The following CTC1 variants were observed in gnomAD, a reference collection of about 807,000 sequenced individuals.
CTC1 encodes the protein CST complex subunit CTC1.
In CTC1, 91 loss-of-function variants were observed where a neutral mutation model predicts 136.3. That is an observed-to-expected ratio of 0.67 (90% CI 0.56 to 0.79). The LOEUF (loss-of-function observed/expected upper bound fraction) is 0.79, where lower values mean the gene tolerates loss of function less well. CTC1 is among the 30% of genes least tolerant of loss of function. The pLI is 0.00. For missense variants in CTC1, 1,432 were observed against 1,498.1 expected, an observed-to-expected ratio of 0.96 and a Z score of 0.73; for synonymous variants, 606 against 613.8, an observed-to-expected ratio of 0.99 and a Z score of 0.19.
intron 2 of CTC1, among the ~76,000 whole-genome samples, chr17:8,241,042 A>T (rs1015311570): frequency 6.6e-6 from 1 of 151,866 alleles, no homozygotes; most frequent in Non-Finnish European, 1.5e-5. Flanking sequence ...TAATCCCAGC[A>T]CTCTGGGAGG....
At chr17:8,244,773 C>T (rs1269060651) in intron 1 of CTC1, among the ~76,000 whole-genome samples, 1 of 152,080 alleles carries the variant, frequency 6.6e-6, no homozygotes, top group Non-Finnish European at 1.5e-5. Context: ...GTGATCCGCC[C>T]GCCTCAGCCT....
In CTC1 at chr17:8,236,218, C is replaced by G; in HGVS notation, c.917G>C (p.Arg306Pro). 6.2e-7 allele frequency: 1 copy of G among 1,614,208 alleles called. No individual in the cohort carries two copies. The highest frequency in any genetic ancestry group is 8.5e-7 in the Non-Finnish European group (1 of 1,180,038). Reference sequence around the variant, plus strand: ...ACATTCTGGTTTCAGCAGCAACAGACGGGAGGACTGACTGGTCATCCAAAC... The same window carrying G: ...ACATTCTGGTTTCAGCAGCAACAGAGGGGAGGACTGACTGGTCATCCAAAC... ...QHVWMTSQSS[R>P]LLLLKPECVQ... The change falls in exon 6 of 23, where the codon CGT becomes CCT. Residue 306 changes from arginine (R) to proline (P), a missense_variant. Transcript: ENST00000651323.
chr17:8,228,995 C>G lies in CTC1; in HGVS notation c.3222-103G>C, dbSNP rs569792538. The G allele has an allele frequency of 5.4e-5, 81 of 1,487,070 alleles. 1 individual carries two copies. The African/African-American group carries it at 8.1e-4, about 15-fold the overall frequency. The allele number at this position is 1,487,070 out of a possible 1,614,324, so 92.1% of individuals were successfully genotyped here. The stretch of plus-strand genomic sequence containing the variant: ...CCCGCTGTCTGCAGTCTTTGGCTCA[C>G]AGATTTAGGAGCTTACCCTCATTCA... On this transcript the variant is annotated intron_variant, in intron 20 of 22. Transcript: ENST00000651323.
At chr17:8,240,438 G>GCCATCCATTGCGC (rs143185371) in intron 2 of CTC1, among the ~76,000 whole-genome samples, 2,124 of 151,814 alleles carry the variant, frequency 0.014, 51 homozygotes, top group African/African-American at 0.048. Context: ...ACAGGCGTGA[G>GCCATCCATTGCGC]CCATCCATTG....
At position 8,234,309 on chromosome 17, in the gene CTC1, T is replaced by C. The variant is rs528076539; in HGVS notation, c.1818+146A>G. On this transcript the variant is annotated intron_variant, in intron 10 of 22. Coordinates refer to ENST00000651323, the MANE Select transcript of CTC1 (RefSeq NM_025099.6). ...TTCTAGTTGCTGCAGAGAGAATGAA[T>C]TGGAGGGCCAACAACAGATGAAGTG... is the stretch of plus-strand genomic sequence containing the variant. 7.7e-5 allele frequency: 61 copies of C among 791,140 alleles called. No individual in the cohort carries two copies. In the African/African-American group the frequency reaches 8.6e-4, roughly 11 times the overall value. The allele number at this position is 791,140 out of a possible 1,614,324, so 49.0% of individuals were successfully genotyped here.
chr17:8,235,678 C>A (rs1987652862), intron 7 of CTC1, among the ~76,000 whole-genome samples, 153 bp downstream of exon 7: 1 of 152,218 alleles, frequency 6.6e-6, no homozygotes, highest in Admixed American at 6.5e-5. Context: ...TTTATTTAAG[C>A]TTCTGTCCAA....
In CTC1 at chr17:8,237,464, C is replaced by T; in HGVS notation, c.703G>A (p.Ala235Thr). Residue 235 changes from alanine to threonine, a missense_variant, in exon 5 of 23, where the codon GCT (alanine) becomes ACT (threonine). Coordinates refer to ENST00000651323, the MANE Select transcript of CTC1 (RefSeq NM_025099.6). ...GCTTTCTGTTTACTTTTCACCAGAG[C>T]ACTCAATCGAACTAGACTCCCAGCC... ...NLAGSLVRLSALVKSKQKAYF... is the reference protein window; with the variant it reads ...NLAGSLVRLSTLVKSKQKAYF... The T allele has an allele frequency of 6.2e-7, 1 of 1,613,940 alleles. No homozygotes were observed. Among genetic ancestry groups the T allele is most frequent in the Non-Finnish European group, 8.5e-7 (1 of 1,179,980 alleles).
chr17:8,235,080 G>A lies in CTC1; in HGVS notation c.1412C>T (p.Thr471Ile), dbSNP rs752288993. The A allele has an allele frequency of 1.9e-6, 3 of 1,614,136 alleles. No homozygotes were observed. Among genetic ancestry groups the A allele is most frequent in the Non-Finnish European group, 2.5e-6 (3 of 1,180,014 alleles). The change falls in exon 8 of 23, where the codon ACC becomes ATC. Residue 471 changes from threonine to isoleucine, a missense_variant. Physicochemically the swap from Thr to Ile is moderately conservative, Grantham distance 89. Transcript: ENST00000651323. The stretch of plus-strand genomic sequence containing the variant: ...GCAGGCCAGCTCCTCCAGGGCCTTG[G>A]TAGCCCACAGGTAGAGGGGAAGTCC... The part of the protein sequence containing the change: ...QLGLPLYLWA[T>I]KALEELACKL...
In CTC1 at chr17:8,234,460, C is replaced by T; in HGVS notation, c.1813G>A (p.Ala605Thr). 1.3e-6 allele frequency: 2 copies of T among 1,551,952 alleles called. No individual in the cohort carries two copies. Among genetic ancestry groups the T allele is most frequent in the South Asian group, 1.2e-5 (1 of 84,090 alleles). Residue 605 changes from alanine (A) to threonine (T), a missense_variant, in exon 10 of 23, where the codon GCC (alanine) becomes ACC (threonine). By Grantham distance (58) the Ala-to-Thr change is moderately conservative. Coordinates refer to ENST00000651323, the MANE Select transcript of CTC1 (RefSeq NM_025099.6). ...CCTGCTAGGGTCCCCCTTACCTGGG[C>T]TGGGCAGAAGGCAGAGGGCAGCAGA... Reference protein sequence around the residue: ...LCLLPSAFCPAQVLLGVLVAS... With the variant: ...LCLLPSAFCPTQVLLGVLVAS...
chr17:8,233,049 G>A lies in CTC1; in HGVS notation c.1819-17C>T, dbSNP rs1987379582. On this transcript the variant is annotated splice_polypyrimidine_tract_variant and intron_variant, in intron 10 of 22. Transcript: ENST00000651323. ...AAGTAAAACCTGCAAGAAGATGAAG[G>A]TTGAGTTATCAAATGTTTATTCAGC... 2 of 1,612,644 alleles carry A rather than the reference G, an allele frequency of 1.2e-6. No homozygotes were observed. Among genetic ancestry groups the A allele is most frequent in the Non-Finnish European group, 1.7e-6 (2 of 1,178,994 alleles).
rs998188449 is a variant in CTC1 at position 8,226,663 on chromosome 17, C to G, written c.*1517G>C. ...GGGAGACCCCAATGGATTTCTAGTC[C>G]ATCGCCTTAACCACTCGGCCACGAC... On this transcript the variant is annotated 3_prime_UTR_variant, in exon 23 of 23. Coordinates refer to ENST00000651323, the MANE Select transcript of CTC1 (RefSeq NM_025099.6). The G allele has an allele frequency of 6.6e-6, 1 of 152,224 alleles. No homozygotes were observed. Among genetic ancestry groups the G allele is most frequent in the African/African-American group, 2.4e-5 (1 of 41,450 alleles). The allele number at this position is 152,224 out of a possible 1,614,324, so 9.4% of individuals were successfully genotyped here. A position where few individuals can be genotyped will look rare whatever the true frequency, so the allele number is the denominator to read the frequency against.
Position 8,227,142 on chromosome 17 carries a change from G to A in CTC1, c.*1038C>T, listed in dbSNP as rs1410866994. ...AAGCAGCATAAATCCCAACATATGG[G>A]TTTAACCACGCTCTAAAGGTCTCCC... On this transcript the variant is annotated 3_prime_UTR_variant, in exon 23 of 23. Transcript: ENST00000651323. The A allele has an allele frequency of 6.6e-6, 1 of 152,140 alleles. No homozygotes were observed. Among genetic ancestry groups the A allele is most frequent in the Non-Finnish European group, 1.5e-5 (1 of 68,032 alleles). 9.4% of individuals were successfully genotyped at this position (152,140 alleles called of 1,614,324 possible).
intron 10 of CTC1, 90 bp downstream of exon 10, chr17:8,234,365 G>A: frequency 7.8e-7 from 1 of 1,280,560 alleles, no homozygotes; most frequent in Non-Finnish European, 1.1e-6. Context: ...TAGTCAAAAT[G>A]ACGAAGAAAG....
intron 12 of CTC1, 34 bp downstream of exon 12, chr17:8,232,327 A>C (rs746966284): frequency 9.4e-6 from 15 of 1,600,204 alleles, no homozygotes; most frequent in African/African-American, 6.7e-5. Flanking sequence ...CCTTCCCCCC[A>C]GACTCAAGAC....
In CTC1 at chr17:8,236,309, G is replaced by A. The variant is rs267605102; in HGVS notation, c.826C>T (p.Arg276Trp). Residue 276 changes from arginine to tryptophan, a missense_variant, in exon 6 of 23, where the codon CGG (arginine) becomes TGG (tryptophan). Transcript: ENST00000651323. ...GTCAGCACATAGGCTGTACCAGGCC[G>A]AAGGGCTCTGTGCCACACCAGCTGG... ...PAQLVWHRALRPGTAYVLTEL... is the reference protein window; with the variant it reads ...PAQLVWHRALWPGTAYVLTEL... The A allele has an allele frequency of 6.8e-6, 11 of 1,610,586 alleles. No homozygotes were observed. The highest frequency in any genetic ancestry group is 3.3e-4 in the Middle Eastern group (2 of 6,056).
chr17:8,244,128 T>G (rs1305646683), intron 1 of CTC1, among the ~76,000 whole-genome samples: 1 of 152,204 alleles, frequency 6.6e-6, no homozygotes, highest in Admixed American at 6.5e-5. Context: ...AAGTGCCTAA[T>G]AGTGGACAGT....
Position 8,238,238 on chromosome 17 carries a change from A to T in CTC1, c.440T>A (p.Ile147Lys). The change falls in exon 4 of 23, where the codon ATA (isoleucine) becomes AAA (lysine). Residue 147 changes from isoleucine (I) to lysine (K), a missense_variant. By Grantham distance (102) the Ile-to-Lys change is moderately radical. Coordinates refer to ENST00000651323, the MANE Select transcript of CTC1 (RefSeq NM_025099.6). Reference protein sequence around the residue: ...DNTGVLSCELIDLDLSWLGHL... With the variant: ...DNTGVLSCELKDLDLSWLGHL... ...GCCCAACCAAGAAAGGTCCAGGTCTATGAGCTAAGAAAGACCAAGAGCAAG... is the reference window on the plus strand; with the variant it reads ...GCCCAACCAAGAAAGGTCCAGGTCTTTGAGCTAAGAAAGACCAAGAGCAAG... 1 of 1,602,998 alleles carries T rather than the reference A, an allele frequency of 6.2e-7. No homozygotes were observed. Among genetic ancestry groups the T allele is most frequent in the South Asian group, 1.1e-5 (1 of 89,972 alleles).
In CTC1 at chr17:8,226,708, T is replaced by C. The variant is rs1017549942; in HGVS notation, c.*1472A>G. 2.0e-5 allele frequency: 3 copies of C among 152,144 alleles called. No individual in the cohort carries two copies. The highest frequency in any genetic ancestry group is 4.1e-4 in the South Asian group (2 of 4,828). 9.4% of individuals were successfully genotyped at this position (152,144 alleles called of 1,614,324 possible). On this transcript the variant is annotated 3_prime_UTR_variant, in exon 23 of 23. Transcript: ENST00000651323. ...CACGACTACGAGGCTTAGGGCTTCG[T>C]TTTCATCCAATGCCTTTCTTACTTC...
Position 8,238,633 on chromosome 17 carries a change from T to C in CTC1, c.198-4A>G, listed in dbSNP as rs1597389646. ...GAGGTCCTGTACTGAGACGAAGCTG[T>C]AGAGTGAAGGGAACAGAGGTCCTGC... On this transcript the variant is annotated splice_polypyrimidine_tract_variant and splice_region_variant and intron_variant, in intron 2 of 22. Coordinates refer to ENST00000651323, the MANE Select transcript of CTC1 (RefSeq NM_025099.6). The C allele has an allele frequency of 3.2e-6, 5 of 1,585,422 alleles. No individual in the cohort carries two copies. The highest frequency in any genetic ancestry group is 3.4e-6 in the Non-Finnish European group (4 of 1,164,438).
Sources: allele counts gnomAD v4.1 joint callset (sites outside exome capture counted in the v4.1 genomes callset), GRCh38; gene constraint gnomAD v4.1.1; transcripts MANE v1.5; gene names NCBI Gene and HGNC (gene_info 2026-07-23, HGNC 2026-07-21).